The following AP3B2 variants were observed in gnomAD, a reference collection of about 807,000 sequenced individuals.
AP3B2 encodes the protein adaptor related protein complex 3 subunit beta 2, also known as AP-3 complex subunit beta-2.
In AP3B2, 50 loss-of-function variants were observed where a neutral mutation model predicts 126.9. The observed-to-expected ratio is 0.39, with a 90% CI of 0.31 to 0.50. The LOEUF (loss-of-function observed/expected upper bound fraction) is 0.50. AP3B2 is among the 20% of genes least tolerant of loss of function. The pLI is 0.79. For synonymous variants in AP3B2, 541 were observed against 565.0 expected, an observed-to-expected ratio of 0.96 and a Z score of 0.60; for missense variants, 1,177 against 1,426.4, an observed-to-expected ratio of 0.83 and a Z score of 2.82.
rs1217191398 is a variant in AP3B2, at chr15:82,683,194, G to A, written c.361-1614C>T. On this transcript the variant is annotated intron_variant, in intron 4 of 26. Transcript: ENST00000535359. ...CTGCCTCAGCCTCCCGAGTAGCTGGGACTACAGGTGCCCGCCACCATGCCT... is the reference window on the plus strand; with the variant it reads ...CTGCCTCAGCCTCCCGAGTAGCTGGAACTACAGGTGCCCGCCACCATGCCT... Among the ~76,000 whole-genome samples the A allele has an allele frequency of 2.7e-5, 4 of 149,830 alleles. No individual in the cohort carries two copies. The Admixed American group carries it at 2.7e-4, about 10-fold the overall frequency.
intron 25 of AP3B2, 82 bp downstream of exon 25, chr15:82,661,743 C>T (rs2047953059): frequency 1.7e-6 from 2 of 1,188,958 alleles, no homozygotes; most frequent in Non-Finnish European, 2.4e-6. Flanking sequence ...AAGGACACCA[C>T]CATTCTCCCT....
At position 82,680,532 on chromosome 15, in the gene AP3B2, G is replaced by T. The variant is rs781560275; in HGVS notation, c.995C>A (p.Ala332Glu). Reference protein sequence around the residue: ...MAVAQLYFHLAPKAEVGVIAK... With the variant: ...MAVAQLYFHLEPKAEVGVIAK... ...GATGACGCCCACTTCCGCCTTGGGC[G>T]CCAGGTGGAAGTAGAGCTGCGCCAC... The change falls in exon 8 of 27, where the codon GCG becomes GAG. Residue 332 changes from alanine (A) to glutamate (E), a missense_variant. By Grantham distance (107) the Ala-to-Glu change is moderately radical. This residue lies in a region of AP3B2 where 308 missense variants were observed against 452.4 expected (regional missense o/e 0.68). Coordinates refer to ENST00000535359, the MANE Select transcript of AP3B2 (RefSeq NM_001278512.2). The surrounding 1 kb of genome is among the most constrained non-coding windows in gnomAD (Gnocchi z 6.1). 6.5e-7 allele frequency: 1 copy of T among 1,549,060 alleles called. No homozygotes were observed. The highest frequency in any genetic ancestry group is 8.7e-7 in the Non-Finnish European group (1 of 1,153,832).
In AP3B2 at chr15:82,662,830, T is replaced by C. The variant is rs765658666; in HGVS notation, c.2697A>G (p.Gln899=). 3.0e-5 allele frequency: 48 copies of C among 1,613,554 alleles called. No individual in the cohort carries two copies. The highest frequency in any genetic ancestry group is 4.1e-5 in the Non-Finnish European group (48 of 1,179,778). ...CCATGTGGGGATCCCCGGAGAAAGG[T>C]TGGCGGCTGAAGGTGTAGTCCACAG... ...GLAVDYTFSR[Q]PFSGDPHMVS... is the part of the protein sequence containing the mutation. Residue 899 remains glutamine (Q), a synonymous_variant, in exon 23 of 27, where the codon CAA becomes CAG. Transcript: ENST00000535359.
intron 1 of AP3B2, among the ~76,000 whole-genome samples, chr15:82,698,272 C>T (rs1289877342): frequency 6.6e-6 from 1 of 151,908 alleles, no homozygotes. Flanking sequence ...CAGACACCTC[C>T]CACAGAAAAA....
In AP3B2 at chr15:82,689,222, C is replaced by G; in HGVS notation, c.200G>C (p.Arg67Pro). 6.2e-7 allele frequency: 1 copy of G among 1,614,016 alleles called. No homozygotes were observed. The highest frequency in any genetic ancestry group is 8.5e-7 in the Non-Finnish European group (1 of 1,179,886). The change falls in exon 3 of 27, where the codon CGA (arginine) becomes CCA (proline). Residue 67 changes from arginine (R) to proline (P), a missense_variant. By Grantham distance (103) the Arg-to-Pro change is moderately radical. Coordinates refer to ENST00000535359, the MANE Select transcript of AP3B2 (RefSeq NM_001278512.2). ...AMKRIVAMIA[R>P]GKNASDLFPA... ...AAACAGGTCTGAAGCATTCTTTCCTCGGGCAATCATCTGGGTGGTGGGGTC... is the reference window on the plus strand; with the variant it reads ...AAACAGGTCTGAAGCATTCTTTCCTGGGGCAATCATCTGGGTGGTGGGGTC...
intron 14 of AP3B2, among the ~76,000 whole-genome samples, chr15:82,669,768 G>A (rs1001953093): frequency 8.6e-5 from 13 of 151,412 alleles, no homozygotes; most frequent in Non-Finnish European, 1.3e-4. Flanking sequence ...TTGGGAGGCC[G>A]AGGCAGGCAG....
At chr15:82,667,437 G>A (rs1025652729) in intron 14 of AP3B2, among the ~76,000 whole-genome samples, 2 of 152,236 alleles carry the variant, frequency 1.3e-5, no homozygotes, top group African/African-American at 4.8e-5. Context: ...AGTAGATTCT[G>A]AGCAGCCCAG....
chr15:82,663,834 C>G lies in AP3B2; in HGVS notation c.2403G>C (p.Glu801Asp), dbSNP rs368097009. The G allele has an allele frequency of 2.5e-6, 4 of 1,613,708 alleles. No homozygotes were observed. The highest frequency in any genetic ancestry group is 2.5e-6 in the Non-Finnish European group (3 of 1,179,808). ...ESEMTSESEE[E>D]QLEPASWSRK... ...TGCTCCAGGAGGCAGGTTCTAACTGCTCCTCCTCGGACTCCGATGTCATCT... is the reference window on the plus strand; with the variant it reads ...TGCTCCAGGAGGCAGGTTCTAACTGGTCCTCCTCGGACTCCGATGTCATCT... The change falls in exon 20 of 27, where the codon GAG (glutamate) becomes GAC (aspartate). Residue 801 changes from glutamate to aspartate, a missense_variant. This residue lies in a region of AP3B2 where 587 missense variants were observed against 571.3 expected (regional missense o/e 1.03). Transcript: ENST00000535359.
chr15:82,703,395 A>C (rs1394472583), intron 1 of AP3B2, among the ~76,000 whole-genome samples: 1 of 149,222 alleles, frequency 6.7e-6, no homozygotes, highest in Non-Finnish European at 1.5e-5. Flanking sequence ...AGCACCCCCC[A>C]CCCCTTCTCT....
At chr15:82,696,588 A>T (rs955209419) in intron 1 of AP3B2, among the ~76,000 whole-genome samples, 1 of 152,166 alleles carries the variant, frequency 6.6e-6, no homozygotes, top group African/African-American at 2.4e-5. Flanking sequence ...AAAAAAATTT[A>T]AAAAAGGAAC....
At chr15:82,672,117 AG>A (rs1164160730) in intron 14 of AP3B2, among the ~76,000 whole-genome samples, 1 of 152,192 alleles carries the variant, frequency 6.6e-6, no homozygotes, top group African/African-American at 2.4e-5. Flanking sequence ...TATACCCAAA[AG>A]TAAGGAAATC....
chr15:82,691,950 C>A, intron 1 of AP3B2: 1 of 1,396,844 alleles, frequency 7.2e-7, no homozygotes, highest in Non-Finnish European at 1.0e-6. Context: ...ACCATCCCCA[C>A]ACCGTCCTTC....
intron 14 of AP3B2, among the ~76,000 whole-genome samples, chr15:82,673,421 T>G (rs564313572): frequency 2.0e-5 from 3 of 152,158 alleles, no homozygotes; most frequent in African/African-American, 4.8e-5. Flanking sequence ...GCCATGTTGG[T>G]CAGGCTGGTC....
Position 82,689,379 on chromosome 15 carries a change from G to A in AP3B2, c.188C>T (p.Ala63Val), listed in dbSNP as rs1567270395. Reference protein sequence around the residue: ...LKLEAMKRIVAMIARGKNASD... With the variant: ...LKLEAMKRIVVMIARGKNASD... ...GAGGCCTCCTCCTTCCCCTCTTACC[G>A]CCACAATCCTCTTCATGGCCTCCAG... The change falls in exon 2 of 27, where the codon GCG (alanine) becomes GTG (valine). Residue 63 changes from alanine (A) to valine (V), a missense_variant and splice_region_variant. Ala to Val is a moderately conservative substitution (Grantham distance 64). Transcript: ENST00000535359. 11 of 1,613,778 alleles carry A rather than the reference G, an allele frequency of 6.8e-6. No homozygotes were observed. Among genetic ancestry groups the A allele is most frequent in the Non-Finnish European group, 9.3e-6 (11 of 1,179,824 alleles).
rs973921114 is a variant in AP3B2 at position 82,665,147 on chromosome 15, G to A, written c.2028+100C>T. On this transcript the variant is annotated intron_variant, in intron 17 of 26. Transcript: ENST00000535359. This position sits in a 1 kb window ranked among gnomAD's most constrained non-coding sequence, Gnocchi z 4.4. ...CAGAGGAGCACTGCCAAACCAAGGT[G>A]GAAACAGAGTATGGGAAGGCCCAGG... 26 of 1,363,248 alleles carry A rather than the reference G, an allele frequency of 1.9e-5. No individual in the cohort carries two copies. In the East Asian group the frequency reaches 6.5e-4, roughly 34 times the overall value. The allele number at this position is 1,363,248 out of a possible 1,614,324, so 84.4% of individuals were successfully genotyped here. A position where few individuals can be genotyped will look rare whatever the true frequency, so the allele number is the denominator to read the frequency against.
chr15:82,691,062 A>G (rs1039401217), intron 1 of AP3B2, among the ~76,000 whole-genome samples: 1 of 152,150 alleles, frequency 6.6e-6, no homozygotes, highest in Admixed American at 6.5e-5. Flanking sequence ...CAGTGCTGCA[A>G]TAAACATACG....
In AP3B2 at chr15:82,659,464, G is replaced by T. The variant is rs1444818578; in HGVS notation, c.*96C>A. On this transcript the variant is annotated 3_prime_UTR_variant, in exon 27 of 27. Transcript: ENST00000535359. ...CCTGAATGCTATCTGGCATGAGGAG[G>T]ATGATGAGAGAGAGAGAGAAAGATG... 5.3e-6 allele frequency: 8 copies of T among 1,497,698 alleles called. No individual in the cohort carries two copies. In the East Asian group the frequency reaches 1.6e-4, roughly 30 times the overall value. 92.8% of individuals were successfully genotyped at this position (1,497,698 alleles called of 1,614,324 possible). A position where few individuals can be genotyped will look rare whatever the true frequency, so the allele number is the denominator to read the frequency against.
chr15:82,664,122 G>C lies in AP3B2; in HGVS notation c.2262-147C>G. ...CCTGAGGTCCTATAGCAGGGACCCC[G>C]TGAGAGCTTGAAGCCAGCTTGTGCC... is the stretch of plus-strand genomic sequence containing the variant. On this transcript the variant is annotated intron_variant, in intron 19 of 26. Transcript: ENST00000535359. This position sits in a 1 kb window ranked among gnomAD's most constrained non-coding sequence, Gnocchi z 4.5. The C allele has an allele frequency of 7.2e-7, 1 of 1,382,642 alleles. No individual in the cohort carries two copies. Among genetic ancestry groups the C allele is most frequent in the Non-Finnish European group, 9.6e-7 (1 of 1,046,714 alleles). 85.6% of individuals were successfully genotyped at this position (1,382,642 alleles called of 1,614,324 possible).
At chr15:82,692,285 A>G (rs1596192236) in intron 1 of AP3B2, 7 of 724,534 alleles carry the variant, frequency 9.7e-6, no homozygotes, top group Non-Finnish European at 1.6e-5. Context: ...ACTTGTAGAA[A>G]AGGTCTTCCA....
Sources: allele counts gnomAD v4.1 joint callset (sites outside exome capture counted in the v4.1 genomes callset), GRCh38; gene constraint gnomAD v4.1.1; regional missense constraint gnomAD v4.1.1; non-coding constraint Gnocchi (gnomAD v3.1); transcripts MANE v1.5; gene names NCBI Gene and HGNC (gene_info 2026-07-23, HGNC 2026-07-21).